TMEM45B: variants seen among roughly 807,000 people sequenced by gnomAD.
TMEM45B encodes the protein transmembrane protein 45B.
Under a neutral mutation model 27.3 loss-of-function variants are expected in TMEM45B, and 29 were observed. That is an observed-to-expected ratio of 1.06 (90% CI 0.79 to 1.45). The LOEUF is 1.45. Ranked by LOEUF, TMEM45B falls within the 40% of genes most tolerant of loss-of-function variation. TMEM45B has a pLI of 0.00. For synonymous variants in TMEM45B, 143 were observed against 134.7 expected (o/e 1.06, Z -0.43); for missense variants, 348 against 343.9 (o/e 1.01, Z -0.09).
chr11:129,823,816 C>T (rs1042984359), intron 1 of TMEM45B, among the ~76,000 whole-genome samples: 2 of 152,200 alleles, frequency 1.3e-5, no homozygotes, highest in African/African-American at 2.4e-5. Context: ...CACCCTGCAT[C>T]GAGTCCCTCC....
intron 1 of TMEM45B, among the ~76,000 whole-genome samples, chr11:129,835,045 T>C (rs1947603885): frequency 1.3e-5 from 2 of 152,312 alleles, no homozygotes; most frequent in South Asian, 4.1e-4. Flanking sequence ...AACTTATAAA[T>C]GATGAACTTG....
chr11:129,858,608 G>A lies in TMEM45B; in HGVS notation c.751G>A (p.Glu251Lys). The A allele has an allele frequency of 1.3e-6, 2 of 1,588,024 alleles. No homozygotes were observed. Among genetic ancestry groups the A allele is most frequent in the Non-Finnish European group, 1.7e-6 (2 of 1,166,202 alleles). ...LTRMKRHGRG[E>K]IIGIQKLNSD... The stretch of plus-strand genomic sequence containing the variant: ...TCGGATGAAGAGACACGGAAGGGGA[G>A]AAATCATTGGAATTCAGAAGCTGAA... Residue 251 changes from glutamate (E) to lysine (K), a missense_variant, in exon 6 of 6, where the codon GAA (glutamate) becomes AAA (lysine). Glu to Lys is a moderately conservative substitution (Grantham distance 56). Coordinates refer to ENST00000281441, the MANE Select transcript of TMEM45B (RefSeq NM_138788.5).
rs1039742875 is a variant in TMEM45B at position 129,857,302 on chromosome 11, T to G, written c.571-11T>G. The G allele has an allele frequency of 6.2e-7, 1 of 1,613,682 alleles. No individual in the cohort carries two copies. Among genetic ancestry groups the G allele is most frequent in the Non-Finnish European group, 8.5e-7 (1 of 1,179,610 alleles). On this transcript the variant is annotated splice_polypyrimidine_tract_variant and intron_variant, in intron 4 of 5. Coordinates refer to ENST00000281441, the MANE Select transcript of TMEM45B (RefSeq NM_138788.5). ...CAACCACAAGACCAACTTCTCTCTG[T>G]AATCCCCTAGATTGGGTTTGTGCTG...
At chr11:129,836,075 G>A (rs1043304872) in intron 1 of TMEM45B, among the ~76,000 whole-genome samples, 6 of 151,930 alleles carry the variant, frequency 3.9e-5, no homozygotes, top group East Asian at 1.9e-4. Context: ...CCAAAACCGC[G>A]CCATTGCACT....
chr11:129,855,636 G>C, intron 3 of TMEM45B, 72 bp from the exon 4 acceptor site: 1 of 1,525,676 alleles, frequency 6.6e-7, no homozygotes. Context: ...AGCTGAGACA[G>C]GTGTAGGAGG....
intron 1 of TMEM45B, among the ~76,000 whole-genome samples, chr11:129,830,471 G>GA (rs922178953): frequency 2.0e-4 from 30 of 151,780 alleles, no homozygotes; most frequent in Non-Finnish European, 2.4e-4. Flanking sequence ...ACAAACAAAA[G>GA]AAAAAAAACA....
chr11:129,823,504 A>C (rs1466788294), intron 1 of TMEM45B, among the ~76,000 whole-genome samples: 4 of 152,326 alleles, frequency 2.6e-5, no homozygotes, highest in Middle Eastern at 3.4e-3. Context: ...CTCCCAGAAC[A>C]GTGCCTTATG....
At chr11:129,828,938 T>C (rs690786) in intron 1 of TMEM45B, among the ~76,000 whole-genome samples, 139,377 of 152,258 alleles carry the variant, frequency 0.92, 63,955 homozygotes, top group East Asian at 1. Context: ...GAGAGAAGCC[T>C]AAGTCTCTCC....
Position 129,836,576 on chromosome 11 carries a change from A to T in TMEM45B, c.-8-15899A>T, listed in dbSNP as rs1286372515. Reference sequence around the variant, plus strand: ...CTCTTTTGAGATAAGATCTTTAAAGAAGTAATTAAATTAAAATGAGATCAT... The same window carrying T: ...CTCTTTTGAGATAAGATCTTTAAAGTAGTAATTAAATTAAAATGAGATCAT... On this transcript the variant is annotated intron_variant, in intron 1 of 5. Coordinates refer to ENST00000281441, the MANE Select transcript of TMEM45B (RefSeq NM_138788.5). Among the ~76,000 whole-genome samples, 3 of 152,166 alleles carry T rather than the reference A, an allele frequency of 2.0e-5. No homozygotes were observed. In the East Asian group the frequency reaches 5.8e-4, roughly 29 times the overall value.
intron 1 of TMEM45B, chr11:129,850,286 T>C (rs1947829917): frequency 6.6e-6 from 1 of 152,220 alleles, no homozygotes; most frequent in Non-Finnish European, 1.5e-5. Context: ...TGCCTCAGTC[T>C]CCCGAGTAGC....
intron 2 of TMEM45B, among the ~76,000 whole-genome samples, chr11:129,853,433 A>C (rs1469296826): frequency 6.6e-6 from 1 of 152,194 alleles, no homozygotes; most frequent in East Asian, 1.9e-4. Flanking sequence ...GGAGGAAGCA[A>C]AGCTTCACAG....
intron 1 of TMEM45B, among the ~76,000 whole-genome samples, chr11:129,846,286 G>GGT: frequency 6.6e-6 from 1 of 152,260 alleles, no homozygotes; most frequent in East Asian, 1.9e-4. Context: ...TGGTCAACAT[G>GGT]GTGAAACCCT....
intron 1 of TMEM45B, among the ~76,000 whole-genome samples, chr11:129,838,930 G>C (rs1947657284): frequency 6.6e-6 from 1 of 151,966 alleles, no homozygotes; most frequent in Non-Finnish European, 1.5e-5. Context: ...ACCATATCAA[G>C]TTTTACTTTT....
rs1421754295 is a variant in TMEM45B, at chr11:129,855,596, T to G, written c.386-112T>G. 6 of 1,002,404 alleles carry G rather than the reference T, an allele frequency of 6.0e-6. No homozygotes were observed. In the East Asian group the frequency reaches 1.4e-4, roughly 24 times the overall value. The allele number at this position is 1,002,404 out of a possible 1,614,324, so 62.1% of individuals were successfully genotyped here. A position where few individuals can be genotyped will look rare whatever the true frequency, so the allele number is the denominator to read the frequency against. On this transcript the variant is annotated intron_variant, in intron 3 of 5. Coordinates refer to ENST00000281441, the MANE Select transcript of TMEM45B (RefSeq NM_138788.5). ...CATCTGTTTGCTGCCTGTAATGTTA[T>G]GTACTAACTGCCTAAATGCTGAAGA...
At position 129,834,213 on chromosome 11, in the gene TMEM45B, T is replaced by A. The variant is rs578254222; in HGVS notation, c.-8-18262T>A. Among the ~76,000 whole-genome samples the A allele has an allele frequency of 1.8e-4, 28 of 151,716 alleles. No homozygotes were observed. The South Asian group carries it at 5.8e-3, about 32-fold the overall frequency. ...TGGGAGGCTGAGGCAGGCGGATCAC[T>A]TGAGGTCAGGAGTTCGAGACCAGCC... On this transcript the variant is annotated intron_variant, in intron 1 of 5. Coordinates refer to ENST00000281441, the MANE Select transcript of TMEM45B (RefSeq NM_138788.5).
rs1339140049 is a variant in TMEM45B, at chr11:129,852,626, C to T, written c.144C>T (p.Val48=). 5.0e-6 allele frequency: 8 copies of T among 1,611,760 alleles called. No individual in the cohort carries two copies. Among genetic ancestry groups the T allele is most frequent in the Middle Eastern group, 1.7e-4 (1 of 6,052 alleles). Reference sequence around the variant, plus strand: ...ATTACTATCAGCGTCTCGAGATCGTCGAAGCCGCAATTAGGACTTTGTTTT... The same window carrying T: ...ATTACTATCAGCGTCTCGAGATCGTTGAAGCCGCAATTAGGACTTTGTTTT... ...PLHYYQRLEI[V]EAAIRTLFSV... is the part of the protein sequence containing the mutation. Residue 48 remains valine (V), a synonymous_variant, in exon 2 of 6, where the codon GTC becomes GTT. Coordinates refer to ENST00000281441, the MANE Select transcript of TMEM45B (RefSeq NM_138788.5).
intron 4 of TMEM45B, among the ~76,000 whole-genome samples, chr11:129,856,358 CCCG>C (rs1413468947): frequency 1.3e-5 from 2 of 151,916 alleles, no homozygotes; most frequent in East Asian, 3.9e-4. Flanking sequence ...GTTACAGGTG[CCCG>C]CCACCACACC....
intron 5 of TMEM45B, among the ~76,000 whole-genome samples, chr11:129,857,951 C>T (rs191523937): frequency 3.9e-5 from 6 of 152,162 alleles, no homozygotes; most frequent in Admixed American, 2.6e-4. Flanking sequence ...GCACTTGCTG[C>T]GCCCCAGGCC....
intron 2 of TMEM45B, 121 bp from the exon 3 acceptor site, chr11:129,854,489 C>T (rs1473354844): frequency 1.1e-6 from 1 of 935,266 alleles, no homozygotes; most frequent in East Asian, 2.6e-5. Context: ...GCTCTGCTGA[C>T]CCGCGGGCCA....
Sources: gnomAD v4.1 joint callset for allele counts (sites outside exome capture counted in the v4.1 genomes callset) on GRCh38, gnomAD v4.1.1 for gene constraint, MANE v1.5 for transcripts, NCBI Gene and HGNC (gene_info 2026-07-23, HGNC 2026-07-21) for gene names.